Variants in CTSH observed in about 807,000 individuals in gnomAD.
The protein encoded by CTSH is pro-cathepsin H.
Under a neutral mutation model 56.3 loss-of-function variants are expected in CTSH, and 52 were observed. The observed-to-expected ratio is 0.92, with a 90% CI of 0.74 to 1.16. CTSH has a LOEUF of 1.16. CTSH is among the 50% of genes most tolerant of loss of function. CTSH has a pLI of 0.00. For synonymous variants in CTSH, 174 were observed against 155.7 expected, an observed-to-expected ratio of 1.12 and a Z score of -0.88; for missense variants, 406 against 424.5, an observed-to-expected ratio of 0.96 and a Z score of 0.38.
chr15:78,944,588 T>G (rs914923429), intron 1 of CTSH: 2 of 308,836 alleles, frequency 6.5e-6, no homozygotes, highest in Non-Finnish European at 1.2e-5. Flanking sequence ...GTGTCCCCAG[T>G]TGAGGAAGGC....
intron 6 of CTSH, 83 bp downstream of exon 6, chr15:78,932,289 T>A: frequency 3.9e-6 from 5 of 1,285,202 alleles, no homozygotes; most frequent in Non-Finnish European, 5.6e-6. Context: ...TAGCCAATGC[T>A]CCAGGGAAAC....
At chr15:78,942,381 T>A (rs1321502140) in intron 1 of CTSH, among the ~76,000 whole-genome samples, 1 of 152,012 alleles carries the variant, frequency 6.6e-6, no homozygotes, top group Non-Finnish European at 1.5e-5. Flanking sequence ...CCCGGCTAAT[T>A]TTTATATTTT....
chr15:78,928,645 A>G (rs2141528614), intron 8 of CTSH, among the ~76,000 whole-genome samples: 1 of 151,576 alleles, frequency 6.6e-6, no homozygotes, highest in South Asian at 2.1e-4. Context: ...TTTCTCCCGA[A>G]GGCCGCATGG....
intron 6 of CTSH, 30 bp from the exon 7 acceptor site, chr15:78,931,536 C>T: frequency 6.8e-6 from 11 of 1,614,192 alleles, no homozygotes; most frequent in Non-Finnish European, 9.3e-6. Flanking sequence ...CAGTGACCTG[C>T]CAGCTGAGAA....
chr15:78,937,241 A>T (rs2055194739), intron 3 of CTSH, 77 bp downstream of exon 3: 3 of 1,212,386 alleles, frequency 2.5e-6, no homozygotes, highest in Admixed American at 1.7e-5. Context: ...TCCACCCACC[A>T]GCCCCCAGCG....
In CTSH at chr15:78,935,702, T is replaced by C. The variant is rs566750690; in HGVS notation, c.278A>G (p.Lys93Arg). 2 of 1,611,436 alleles carry C rather than the reference T, an allele frequency of 1.2e-6. No homozygotes were observed. The highest frequency in any genetic ancestry group is 1.7e-5 in the Admixed American group (1 of 59,994). The change falls in exon 4 of 12, where the codon AAG (lysine) becomes AGG (arginine). Residue 93 changes from lysine (K) to arginine (R), a missense_variant. Coordinates refer to ENST00000220166, the MANE Select transcript of CTSH (RefSeq NM_004390.5). ...TACCTGAGGCTCTGACCAGAGATAC[T>C]TGTGTTTTATTTCAGCAAAGCTCAT... ...SDMSFAEIKH[K>R]YLWSEPQNCS...
At chr15:78,926,924 A>G (rs1235957873) in intron 9 of CTSH, 1 of 152,282 alleles carries the variant, frequency 6.6e-6, no homozygotes, top group Non-Finnish European at 1.5e-5. Flanking sequence ...CACATGCTTC[A>G]ACTAAATGGC....
intron 7 of CTSH, among the ~76,000 whole-genome samples, chr15:78,930,055 C>A (rs935579612): frequency 6.6e-6 from 1 of 152,228 alleles, no homozygotes; most frequent in Admixed American, 6.5e-5. Flanking sequence ...CATAGCATTC[C>A]GCACCGCCTG....
chr15:78,940,680 G>A (rs370568755), intron 1 of CTSH, among the ~76,000 whole-genome samples: 27 of 152,128 alleles, frequency 1.8e-4, no homozygotes, highest in African/African-American at 5.6e-4. Context: ...GTATTTAGGC[G>A]GGGTGTGGTG....
At chr15:78,933,495 G>A in intron 5 of CTSH, 1 of 449,570 alleles carries the variant, frequency 2.2e-6, no homozygotes, top group South Asian at 1.6e-5. Flanking sequence ...CTGCCTCCCA[G>A]GTCATCACCC....
In CTSH at chr15:78,933,602, C is replaced by T. The variant is rs1400558689; in HGVS notation, c.406-1144G>A. 8.9e-6 allele frequency: 4 copies of T among 448,210 alleles called. No individual in the cohort carries two copies. In the East Asian group the frequency reaches 2.8e-4, roughly 31 times the overall value. 27.8% of individuals were successfully genotyped at this position (448,210 alleles called of 1,614,324 possible). A position where few individuals can be genotyped will look rare whatever the true frequency, so the allele number is the denominator to read the frequency against. The stretch of plus-strand genomic sequence containing the variant: ...CTGGTGAGAGGGTCCATGAGACAGT[C>T]AACGAGGCAGACGTGGCCACTTCGG... On this transcript the variant is annotated intron_variant, in intron 5 of 11. Transcript: ENST00000220166.
At chr15:78,931,645 C>G in intron 6 of CTSH, 139 bp from the exon 7 acceptor site, 1 of 1,531,316 alleles carries the variant, frequency 6.5e-7, no homozygotes, top group South Asian at 1.2e-5. Flanking sequence ...ATAAACTCCC[C>G]AAGGGCAGGG....
intron 6 of CTSH, 128 bp downstream of exon 6, chr15:78,932,244 G>C: frequency 1.1e-6 from 1 of 880,770 alleles, no homozygotes; most frequent in South Asian, 1.7e-5. Context: ...TGTCCACAAG[G>C]CTGGGGCATC....
chr15:78,944,742 T>A, intron 1 of CTSH, 149 bp downstream of exon 1: 1 of 1,328,696 alleles, frequency 7.5e-7, no homozygotes, highest in African/African-American at 1.5e-5. Context: ...AGTTTACCCC[T>A]CCCCGTGCCA....
At chr15:78,939,296 T>A (rs1465548500) in intron 1 of CTSH, 125 bp from the exon 2 acceptor site, 1 of 685,626 alleles carries the variant, frequency 1.5e-6, no homozygotes, top group African/African-American at 1.8e-5. Flanking sequence ...ACACCAAAAA[T>A]GGTGTTATAT....
At chr15:78,925,571 C>T (rs866963273) in intron 9 of CTSH, 131 bp from the exon 10 acceptor site, 32 of 621,922 alleles carry the variant, frequency 5.1e-5, no homozygotes, top group South Asian at 3.1e-4. Context: ...AGCTCCCCTG[C>T]GGCCTCTCTC....
chr15:78,939,221 A>C, intron 1 of CTSH, 50 bp from the exon 2 acceptor site: 2 of 1,481,344 alleles, frequency 1.4e-6, no homozygotes, highest in Non-Finnish European at 1.8e-6. Flanking sequence ...AGTAATGTTG[A>C]GTCTATAGCA....
rs1238542817 is a variant in CTSH at position 78,931,444 on chromosome 15, GA to G, written c.548+6del. The G allele has an allele frequency of 6.2e-7, 1 of 1,614,212 alleles. No individual in the cohort carries two copies. Reference sequence around the variant, plus strand: ...AAGTTTTGGGCCCCTTCTGGTCAGAGACGTACCCTTGGCAGCCGTGATTATT... The same window carrying G: ...AAGTTTTGGGCCCCTTCTGGTCAGAGCGTACCCTTGGCAGCCGTGATTATT... On this transcript the variant is annotated splice_donor_region_variant and intron_variant, in intron 7 of 11. Transcript: ENST00000220166.
At chr15:78,932,341 C>T (rs2289700) in intron 6 of CTSH, 31 bp downstream of exon 6, 207,116 of 1,599,172 alleles carry the variant, frequency 0.13, 22,570 homozygotes, top group East Asian at 0.61. Context: ...GGGTGTCCTC[C>T]GCAGGGGGTC....
Sources: gnomAD v4.1 joint callset for allele counts (sites outside exome capture counted in the v4.1 genomes callset) on GRCh38, gnomAD v4.1.1 for gene constraint, MANE v1.5 for transcripts, NCBI Gene and HGNC (gene_info 2026-07-23, HGNC 2026-07-21) for gene names.